The following LRP1B variants were observed in gnomAD, a reference collection of about 807,000 sequenced individuals.
LRP1B encodes the protein LDL receptor related protein 1B, also known as low-density lipoprotein receptor-related protein 1B.
Under a neutral mutation model 556.6 loss-of-function variants are expected in LRP1B, and 217 were observed. The observed-to-expected ratio is 0.39, with a 90% CI of 0.35 to 0.44. The LOEUF (loss-of-function observed/expected upper bound fraction) is 0.44. LRP1B is among the 20% of genes least tolerant of loss of function. The pLI, the probability that LRP1B is intolerant of heterozygous loss-of-function variation, is 1.00. For missense variants in LRP1B, 5,053 were observed against 5,620.8 expected, an observed-to-expected ratio of 0.90 and a Z score of 3.23; for synonymous variants, 2,047 against 1,865.8, an observed-to-expected ratio of 1.10 and a Z score of -2.50.
chr2:140,734,422 G>T (rs542409163), intron 35 of LRP1B, among the ~76,000 whole-genome samples: 1 of 152,194 alleles, frequency 6.6e-6, no homozygotes, highest in Admixed American at 6.5e-5. Context: ...GAGGTTGGAG[G>T]GATGAATTGA....
intron 3 of LRP1B, among the ~76,000 whole-genome samples, chr2:141,472,970 C>G (rs4416160): frequency 6.6e-6 from 1 of 151,740 alleles, no homozygotes; most frequent in Non-Finnish European, 1.5e-5. Flanking sequence ...CTATTTTAGA[C>G]TACCTTTTGA....
intron 2 of LRP1B, among the ~76,000 whole-genome samples, chr2:141,617,378 T>C (rs1688345138): frequency 6.6e-6 from 1 of 152,202 alleles, no homozygotes; most frequent in Non-Finnish European, 1.5e-5. Flanking sequence ...TGTGAGCATT[T>C]TTATTTCTAC....
intron 2 of LRP1B, among the ~76,000 whole-genome samples, chr2:141,590,276 TTG>T (rs1343145992): frequency 2.0e-5 from 3 of 152,170 alleles, no homozygotes; most frequent in African/African-American, 4.8e-5. Context: ...ATGAACTAAA[TTG>T]TGTTTGCCTG....
intron 3 of LRP1B, among the ~76,000 whole-genome samples, chr2:141,266,931 G>A (rs1034268972): frequency 5.9e-5 from 9 of 152,118 alleles, no homozygotes; most frequent in African/African-American, 2.2e-4. Flanking sequence ...GAGGAAAAAT[G>A]TTTACTTTAG....
intron 1 of LRP1B, among the ~76,000 whole-genome samples, chr2:141,934,648 G>A (rs1314550728): frequency 6.6e-6 from 1 of 152,006 alleles, no homozygotes; most frequent in African/African-American, 2.4e-5. Context: ...GATAATTATG[G>A]GGGCTGTTAC....
chr2:140,742,638 A>G (rs1179923111), intron 35 of LRP1B, among the ~76,000 whole-genome samples: 1 of 151,928 alleles, frequency 6.6e-6, no homozygotes, highest in East Asian at 1.9e-4. Context: ...GGGTCTCACT[A>G]TGTTACCCAG....
intron 2 of LRP1B, among the ~76,000 whole-genome samples, chr2:141,538,889 C>A (rs764971748): frequency 6.6e-6 from 1 of 152,154 alleles, no homozygotes; most frequent in South Asian, 2.1e-4. Flanking sequence ...TCCCCCGGCA[C>A]TGGCCTCCCA....
intron 1 of LRP1B, among the ~76,000 whole-genome samples, chr2:142,006,934 G>A (rs555730722): frequency 1.0e-3 from 158 of 152,118 alleles, no homozygotes; most frequent in African/African-American, 3.4e-3. Context: ...ATTAAAATTT[G>A]CTTTAGAAAT....
intron 82 of LRP1B, among the ~76,000 whole-genome samples, chr2:140,315,473 C>T (rs1365941097): frequency 6.6e-6 from 1 of 152,052 alleles, no homozygotes; most frequent in Non-Finnish European, 1.5e-5. Flanking sequence ...TGGGCAGTGG[C>T]ATGATCACAG....
intron 2 of LRP1B, among the ~76,000 whole-genome samples, chr2:141,636,884 A>G (rs769183036): frequency 2.0e-5 from 3 of 152,174 alleles, no homozygotes; most frequent in Admixed American, 6.6e-5. Context: ...TGTAGCTTCC[A>G]TACTGCATAC....
chr2:140,623,906 G>A (rs1825611), intron 41 of LRP1B, among the ~76,000 whole-genome samples: 38,352 of 138,838 alleles, frequency 0.28, 5,209 homozygotes, highest in East Asian at 0.32. Flanking sequence ...GCAACACAGC[G>A]AGACTTCGTC....
intron 41 of LRP1B, among the ~76,000 whole-genome samples, chr2:140,699,938 T>G (rs1686571780): frequency 6.7e-6 from 1 of 150,112 alleles, no homozygotes; most frequent in Non-Finnish European, 1.5e-5. Context: ...TCAATTAGAA[T>G]AGTTTTACAC....
chr2:141,311,926 G>A (rs1010957797), intron 3 of LRP1B, among the ~76,000 whole-genome samples: 3 of 152,206 alleles, frequency 2.0e-5, no homozygotes, highest in African/African-American at 7.2e-5. Context: ...GCTCCTTTGG[G>A]ACAGGGTAAT....
At chr2:141,467,813 GT>G (rs2105060822) in intron 3 of LRP1B, among the ~76,000 whole-genome samples, 2 of 19,028 alleles carry the variant, frequency 1.1e-4, no homozygotes, top group South Asian at 1.7e-3. Context: ...TTGTTTGTTT[GT>G]TTGTTTGTTT....
In LRP1B at chr2:140,419,898, C is replaced by G. The variant is rs1443177019; in HGVS notation, c.10414+22606G>C. Reference sequence around the variant, plus strand: ...TGGCACATGACTGTAATCCCAACTACTTGGGTGGCTGAGGCAGGAGAATAA... The same window carrying G: ...TGGCACATGACTGTAATCCCAACTAGTTGGGTGGCTGAGGCAGGAGAATAA... On this transcript the variant is annotated intron_variant, in intron 66 of 90. Transcript: ENST00000389484. 2.6e-5 allele frequency among the ~76,000 whole-genome samples: 4 copies of G among 151,688 alleles called. No individual in the cohort carries two copies. The East Asian group carries it at 7.8e-4, about 30-fold the overall frequency.
intron 2 of LRP1B, among the ~76,000 whole-genome samples, chr2:141,798,670 G>A (rs984270721): frequency 5.6e-5 from 7 of 124,092 alleles, no homozygotes; most frequent in Non-Finnish European, 1.1e-4. Flanking sequence ...TGGTGCCACT[G>A]CACTCCAGCC....
At chr2:141,777,224 G>C (rs1265822411) in intron 2 of LRP1B, among the ~76,000 whole-genome samples, 1 of 152,108 alleles carries the variant, frequency 6.6e-6, no homozygotes, top group Non-Finnish European at 1.5e-5. Flanking sequence ...AGGATGAGGG[G>C]CACCTTTTGA....
At chr2:141,194,586 G>A (rs967148789) in intron 6 of LRP1B, among the ~76,000 whole-genome samples, 3 of 152,022 alleles carry the variant, frequency 2.0e-5, no homozygotes, top group Non-Finnish European at 4.4e-5. Flanking sequence ...AATTTACAAA[G>A]CATTTTGTGT....
chr2:140,839,721 T>A (rs931438118), intron 31 of LRP1B, among the ~76,000 whole-genome samples: 1 of 152,188 alleles, frequency 6.6e-6, no homozygotes, highest in Non-Finnish European at 1.5e-5. Flanking sequence ...GATGGCCTAT[T>A]GTGGGACTTC....
Sources: allele counts gnomAD v4.1 joint callset (sites outside exome capture counted in the v4.1 genomes callset), GRCh38; gene constraint gnomAD v4.1.1; transcripts MANE v1.5; gene names NCBI Gene and HGNC (gene_info 2026-07-23, HGNC 2026-07-21).